Variants in TUSC3 observed in about 807,000 individuals in gnomAD.
TUSC3 encodes the protein tumor suppressor candidate 3.
In TUSC3, 45 loss-of-function variants were observed where a neutral mutation model predicts 44.8. That is an observed-to-expected ratio of 1.00 (90% CI 0.79 to 1.29). TUSC3 has a LOEUF of 1.29. TUSC3 is among the 50% of genes most tolerant of loss of function. The pLI is 0.00. For synonymous variants in TUSC3, 212 were observed against 152.9 expected (o/e 1.39, Z -2.85); for missense variants, 519 against 437.9 (o/e 1.19, Z -1.65).
chr8:15,699,942 C>CTGTTTTT (rs1809325649), intron 6 of TUSC3, among the ~76,000 whole-genome samples: 1 of 152,054 alleles, frequency 6.6e-6, no homozygotes, highest in South Asian at 2.1e-4. Context: ...TTTTTATAAA[C>CTGTTTTT]GGGACTTGAG....
intron 1 of TUSC3, among the ~76,000 whole-genome samples, chr8:15,440,617 C>G (rs142557898): frequency 2.6e-4 from 40 of 152,242 alleles, no homozygotes; most frequent in Middle Eastern, 3.4e-3. Flanking sequence ...TTAGAATTGA[C>G]TTAAGCATTC....
At chr8:15,446,362 G>A (rs1166337468) in intron 1 of TUSC3, among the ~76,000 whole-genome samples, 1 of 152,104 alleles carries the variant, frequency 6.6e-6, no homozygotes, top group Non-Finnish European at 1.5e-5. Context: ...GGCACTTTGG[G>A]AGGCCAAGGC....
chr8:15,780,574 C>T, the TUSC3 span, among the ~76,000 whole-genome samples: 16 of 152,288 alleles, frequency 1.1e-4, no homozygotes, highest in South Asian at 2.1e-4. Context: ...CATACTCTGC[C>T]GCCTGTTGCT....
At position 15,765,102 on chromosome 8, in the gene TUSC3, T is replaced by A. The variant is rs1448273940; in HGVS notation, c.*946T>A. 1 of 152,046 alleles carries A rather than the reference T, an allele frequency of 6.6e-6. No homozygotes were observed. The highest frequency in any genetic ancestry group is 1.5e-5 in the Non-Finnish European group (1 of 67,938). 9.4% of individuals were successfully genotyped at this position (152,046 alleles called of 1,614,324 possible). The stretch of plus-strand genomic sequence containing the variant: ...CAAACATAGGAGTGTAATGTACTAT[T>A]ATGTTTGTATCCTGTTTTAGTTTAT... On this transcript the variant is annotated 3_prime_UTR_variant, in exon 11 of 11. Coordinates refer to ENST00000503731, the MANE Select transcript of TUSC3 (RefSeq NM_006765.4).
chr8:15,480,481 T>A (rs1010238808), intron 1 of TUSC3, among the ~76,000 whole-genome samples: 3 of 152,212 alleles, frequency 2.0e-5, no homozygotes, highest in African/African-American at 4.8e-5. Flanking sequence ...AAGTCCTACA[T>A]CAAGTACAAC....
the TUSC3 span, among the ~76,000 whole-genome samples, chr8:15,782,930 T>C: frequency 2.6e-5 from 4 of 152,192 alleles, no homozygotes; most frequent in African/African-American, 4.8e-5. Context: ...GAAGAGCGAA[T>C]TGTGTCTCTG....
the TUSC3 span, among the ~76,000 whole-genome samples, chr8:15,798,617 T>G: frequency 2.0e-5 from 3 of 148,120 alleles, no homozygotes; most frequent in Admixed American, 1.4e-4. Flanking sequence ...ACTGCAAATT[T>G]GTTCATCCCA....
In TUSC3 at chr8:15,662,307, A is replaced by G; in HGVS notation, c.708+11A>G. On this transcript the variant is annotated intron_variant, in intron 5 of 10. Coordinates refer to ENST00000503731, the MANE Select transcript of TUSC3 (RefSeq NM_006765.4). ...GCCATGGTGTCTCTGGTATGTTAAT[A>G]CATTGTGCTTTTTTTATTTCCTGTT... 1 of 1,612,478 alleles carries G rather than the reference A, an allele frequency of 6.2e-7. No homozygotes were observed. Among genetic ancestry groups the G allele is most frequent in the Non-Finnish European group, 8.5e-7 (1 of 1,178,822 alleles).
chr8:15,689,504 C>T (rs35174544), intron 6 of TUSC3: 34,623 of 169,662 alleles, frequency 0.2, 4,524 homozygotes, highest in Non-Finnish European at 0.29. Flanking sequence ...CTCCGTTCCC[C>T]AGGACAGGAT....
At chr8:15,459,777 C>T (rs75713580) in intron 1 of TUSC3, among the ~76,000 whole-genome samples, 19,009 of 151,944 alleles carry the variant, frequency 0.13, 1,609 homozygotes, top group East Asian at 0.31. Flanking sequence ...AATCTCATCC[C>T]GGTCAATGCG....
intron 1 of TUSC3, among the ~76,000 whole-genome samples, chr8:15,567,979 T>C (rs908414310): frequency 2.0e-5 from 3 of 152,166 alleles, no homozygotes; most frequent in South Asian, 4.1e-4. Flanking sequence ...CTCCTCTTTG[T>C]TTTCATGTTA....
intron 1 of TUSC3, among the ~76,000 whole-genome samples, chr8:15,449,713 T>G (rs1013607619): frequency 2.0e-5 from 3 of 152,186 alleles, no homozygotes; most frequent in African/African-American, 7.2e-5. Flanking sequence ...TTCAGTCTGC[T>G]GGGGGCTTAG....
chr8:15,825,885 CTTTTTTTTTT>C, the TUSC3 span, among the ~76,000 whole-genome samples: 1 of 120,390 alleles, frequency 8.3e-6, no homozygotes, highest in Non-Finnish European at 1.8e-5. Flanking sequence ...ACAGTTGTTT[CTTTTTTTTTT>C]TTTTTTTTTT....
chr8:15,571,649 C>T (rs1195174070), intron 1 of TUSC3, among the ~76,000 whole-genome samples: 2 of 152,070 alleles, frequency 1.3e-5, no homozygotes, highest in African/African-American at 4.8e-5. Context: ...AAGTTGGCCA[C>T]ATTGATTCCC....
chr8:15,465,237 G>T (rs1200015312), intron 1 of TUSC3, among the ~76,000 whole-genome samples: 1 of 152,102 alleles, frequency 6.6e-6, no homozygotes, highest in African/African-American at 2.4e-5. Flanking sequence ...CTCTCTAAAA[G>T]CAAAAATGCC....
the TUSC3 span, among the ~76,000 whole-genome samples, chr8:15,784,482 G>A: frequency 7.9e-5 from 12 of 151,268 alleles, no homozygotes; most frequent in African/African-American, 1.2e-4. Flanking sequence ...GAATGGATTC[G>A]AAAAATGTTA....
chr8:15,713,340 C>T (rs1159078803), intron 6 of TUSC3, among the ~76,000 whole-genome samples: 2 of 151,972 alleles, frequency 1.3e-5, no homozygotes, highest in South Asian at 2.1e-4. Context: ...TAAGCATTTC[C>T]AATTAAAATT....
chr8:15,660,137 A>G (rs1313834869), intron 4 of TUSC3, among the ~76,000 whole-genome samples: 3 of 152,062 alleles, frequency 2.0e-5, no homozygotes, highest in Non-Finnish European at 2.9e-5. Flanking sequence ...GCTTCTAGGA[A>G]TTTAACCTAA....
At chr8:15,497,378 C>G (rs192627443) in intron 2 of TUSC3, among the ~76,000 whole-genome samples, 2 of 152,256 alleles carry the variant, frequency 1.3e-5, no homozygotes, top group East Asian at 1.9e-4. Context: ...GAGCAGTAAG[C>G]CTGCCTCGCT....
Sources: allele counts gnomAD v4.1 joint callset (sites outside exome capture counted in the v4.1 genomes callset), GRCh38; gene constraint gnomAD v4.1.1; transcripts MANE v1.5; gene names NCBI Gene and HGNC (gene_info 2026-07-23, HGNC 2026-07-21).